CNTN6: variants seen among roughly 807,000 people sequenced by gnomAD.
The protein encoded by CNTN6 is contactin-6.
In CNTN6, 137 loss-of-function variants were observed where a neutral mutation model predicts 122.8. That is an observed-to-expected ratio of 1.12 (90% confidence interval 0.97 to 1.29). The LOEUF is 1.29. Ranked by LOEUF, CNTN6 falls within the 50% of genes most tolerant of loss-of-function variation. CNTN6 has a pLI of 0.00. For synonymous variants in CNTN6, 570 were observed against 426.0 expected (o/e 1.34, Z -4.16); for missense variants, 1,634 against 1,223.4 (o/e 1.34, Z -5.01).
At chr3:1,376,348 A>T (rs1463331792) in intron 16 of CNTN6, among the ~76,000 whole-genome samples, 2 of 152,044 alleles carry the variant, frequency 1.3e-5, no homozygotes, top group Non-Finnish European at 2.9e-5. Context: ...CATCAAAATT[A>T]CTGGTTTCTG....
chr3:1,361,509 A>G (rs1297477378), intron 12 of CNTN6, among the ~76,000 whole-genome samples: 1 of 152,122 alleles, frequency 6.6e-6, no homozygotes, highest in Non-Finnish European at 1.5e-5. Flanking sequence ...GTACATTTCT[A>G]TGTTAGGAAT....
chr3:1,178,751 T>C (rs1326802479), intron 2 of CNTN6, among the ~76,000 whole-genome samples: 1 of 152,202 alleles, frequency 6.6e-6, no homozygotes, highest in Non-Finnish European at 1.5e-5. Flanking sequence ...TTGAGCAATG[T>C]AGTCAGTAGT....
Position 1,156,699 on chromosome 3 carries a change from T to C in CNTN6, c.55+8636T>C, listed in dbSNP as rs571552080. On this transcript the variant is annotated intron_variant, in intron 2 of 22. Coordinates refer to ENST00000446702, the MANE Select transcript of CNTN6 (RefSeq NM_001289080.2). Reference sequence around the variant, plus strand: ...CCTTCCTTTCCCTCCCTCCCTTCCTTCCTTCCTTCCTTCTTCTTTCTTTTT... The same window carrying C: ...CCTTCCTTTCCCTCCCTCCCTTCCTCCCTTCCTTCCTTCTTCTTTCTTTTT... Among the ~76,000 whole-genome samples, 147 of 146,032 alleles carry C rather than the reference T, an allele frequency of 1.0e-3. 1 individual carries two copies. The highest frequency in any genetic ancestry group is 3.5e-3 in the African/African-American group (137 of 39,438).
rs560874333 is a variant in CNTN6 at position 1,306,167 on chromosome 3, A to C, written c.761+8176A>C. Among the ~76,000 whole-genome samples the C allele has an allele frequency of 1.1e-4, 17 of 152,270 alleles. No homozygotes were observed. In the South Asian group the frequency reaches 3.5e-3, roughly 32 times the overall value. On this transcript the variant is annotated intron_variant, in intron 7 of 22. Coordinates refer to ENST00000446702, the MANE Select transcript of CNTN6 (RefSeq NM_001289080.2). The stretch of plus-strand genomic sequence containing the variant: ...GTTTACCTTTTGTTTCCCCTCATTG[A>C]GTTGAGCAGATAGAGAACAGAATCT...
intron 4 of CNTN6, among the ~76,000 whole-genome samples, chr3:1,277,888 T>A (rs1315370934): frequency 1.3e-5 from 2 of 152,156 alleles, no homozygotes; most frequent in African/African-American, 4.8e-5. Context: ...CCAAATAAGA[T>A]CATGAGCCTG....
intron 2 of CNTN6, among the ~76,000 whole-genome samples, chr3:1,152,414 C>T (rs1342078825): frequency 1.3e-5 from 2 of 152,116 alleles, no homozygotes; most frequent in African/African-American, 4.8e-5. Flanking sequence ...GCTAGGATTA[C>T]AGGCATGAGA....
At chr3:1,166,947 A>G (rs533109098) in intron 2 of CNTN6, among the ~76,000 whole-genome samples, 106 of 151,908 alleles carry the variant, frequency 7.0e-4, no homozygotes, top group Middle Eastern at 3.4e-3. Flanking sequence ...GGGGCTTAAA[A>G]CCTAGATGAT....
intron 7 of CNTN6, among the ~76,000 whole-genome samples, chr3:1,317,500 G>T (rs1335510672): frequency 6.6e-6 from 1 of 151,692 alleles, no homozygotes; most frequent in Admixed American, 6.6e-5. Context: ...TCGGGGGGTG[G>T]GCATCAAGCA....
At chr3:1,181,471 G>A (rs2093552960) in intron 2 of CNTN6, among the ~76,000 whole-genome samples, 1 of 152,110 alleles carries the variant, frequency 6.6e-6, no homozygotes, top group African/African-American at 2.4e-5. Context: ...ATAAAACTGA[G>A]TAGCAAAAGT....
intron 7 of CNTN6, among the ~76,000 whole-genome samples, chr3:1,314,466 G>A (rs116745359): frequency 0.011 from 1,619 of 152,178 alleles, 29 homozygotes; most frequent in Non-Finnish European, 0.013. Context: ...TGTAGATAAT[G>A]AGGTTTAAGA....
chr3:1,269,195 G>T (rs1170336453), intron 4 of CNTN6, among the ~76,000 whole-genome samples: 1 of 152,024 alleles, frequency 6.6e-6, no homozygotes, highest in Non-Finnish European at 1.5e-5. Context: ...AGAAAACTGA[G>T]GTAGAAAGAT....
intron 2 of CNTN6, among the ~76,000 whole-genome samples, chr3:1,150,962 C>T (rs1343740763): frequency 2.6e-5 from 4 of 152,076 alleles, no homozygotes; most frequent in African/African-American, 4.8e-5. Flanking sequence ...GATCATGAGC[C>T]ATGGGGTGTG....
rs1036425193 is a variant in CNTN6, at chr3:1,109,209, A to G, written c.-83+16089A>G. 3.3e-5 allele frequency among the ~76,000 whole-genome samples: 5 copies of G among 152,222 alleles called. No homozygotes were observed. The East Asian group carries it at 7.7e-4, about 23-fold the overall frequency. On this transcript the variant is annotated intron_variant, in intron 1 of 22. Transcript: ENST00000446702. ...AGCACTGGGGCTCTAAGGGGATTCA[A>G]GGGACTTGCCCGAGACTACAGAGCA... is the stretch of plus-strand genomic sequence containing the variant.
At chr3:1,154,105 T>A (rs571556819) in intron 2 of CNTN6, among the ~76,000 whole-genome samples, 1 of 152,228 alleles carries the variant, frequency 6.6e-6, no homozygotes, top group Non-Finnish European at 1.5e-5. Context: ...CTGATAAAGG[T>A]GGTTATATGA....
At chr3:1,383,886 G>A (rs1464301360) in intron 19 of CNTN6, among the ~76,000 whole-genome samples, 2 of 152,198 alleles carry the variant, frequency 1.3e-5, no homozygotes, top group African/African-American at 2.4e-5. Flanking sequence ...CATAGAAAGG[G>A]ATGGTAACTT....
intron 12 of CNTN6, among the ~76,000 whole-genome samples, chr3:1,364,937 G>A (rs1254730428): frequency 2.0e-5 from 3 of 151,866 alleles, no homozygotes; most frequent in African/African-American, 7.2e-5. Context: ...TTAAAATTCT[G>A]TGGTTTTACA....
At chr3:1,119,323 G>GTGTGTGTGTGTGTGTGTGTT (rs926976709) in intron 1 of CNTN6, among the ~76,000 whole-genome samples, 2 of 4,072 alleles carry the variant, frequency 4.9e-4, no homozygotes, top group African/African-American at 3.3e-3. Context: ...CAGAAAAATC[G>GTGTGTGTGTGTGTGTGTGTT]TGTGTGTGTG....
rs371223803 is a variant in CNTN6, at chr3:1,267,886, G to GAA, written c.359-10518_359-10517dup. The stretch of plus-strand genomic sequence containing the variant: ...CAGCAGAAACCTCACATTTCTTTCT[G>GAA]AAAAAAAAAACACGTCCCTTGATGA... On this transcript the variant is annotated intron_variant, in intron 4 of 22. Coordinates refer to ENST00000446702, the MANE Select transcript of CNTN6 (RefSeq NM_001289080.2). Among the ~76,000 whole-genome samples the GAA allele has an allele frequency of 6.6e-4, 97 of 146,158 alleles. 2 individuals are homozygous for GAA. The highest frequency in any genetic ancestry group is 2.3e-3 in the African/African-American group (89 of 39,536).
intron 20 of CNTN6, among the ~76,000 whole-genome samples, chr3:1,389,170 C>T (rs998972652): frequency 7.4e-5 from 11 of 149,652 alleles, no homozygotes; most frequent in African/African-American, 2.0e-4. Context: ...AGAGAAAGGT[C>T]GGGTTACCCT....
Sources: allele counts gnomAD v4.1 joint callset (sites outside exome capture counted in the v4.1 genomes callset), GRCh38; gene constraint gnomAD v4.1.1; transcripts MANE v1.5; gene names NCBI Gene and HGNC (gene_info 2026-07-23, HGNC 2026-07-21).